The following GRIA3 variants were observed in gnomAD, a reference collection of about 807,000 sequenced individuals.
GRIA3 encodes glutamate ionotropic receptor AMPA type subunit 3.
Under a neutral mutation model 63.0 loss-of-function variants are expected in GRIA3, and 3 were observed. That is an observed-to-expected ratio of 0.05 (90% CI 0.02 to 0.12). The LOEUF (loss-of-function observed/expected upper bound fraction) is 0.12. Among genes scored for constraint, GRIA3 ranks in the 10% least tolerant of loss-of-function variants. The pLI is 1.00. For synonymous variants in GRIA3, 274 were observed against 257.9 expected (o/e 1.06, Z -0.60); for missense variants, 347 against 700.9 (o/e 0.50, Z 5.70).
At chrX:123,392,270 C>T (rs1324900964) in intron 5 of GRIA3, among the ~76,000 whole-genome samples, 1 of 111,685 alleles carries the variant, frequency 9.0e-6, no homozygotes, top group African/African-American at 3.3e-5. Context: ...GCCAATGACT[C>T]GTGTTTCGCC....
At chrX:123,371,848 T>C (rs1285491987) in intron 5 of GRIA3, among the ~76,000 whole-genome samples, 1 of 111,683 alleles carries the variant, frequency 9.0e-6, no homozygotes, top group Non-Finnish European at 1.9e-5. Flanking sequence ...TTGTTGGTTG[T>C]TTCCTTTGCT....
intron 12 of GRIA3, among the ~76,000 whole-genome samples, chrX:123,453,152 C>A (rs1452403918): frequency 8.9e-6 from 1 of 111,778 alleles, no homozygotes; most frequent in Non-Finnish European, 1.9e-5. Context: ...AAATGTCCAT[C>A]AATGATAGAC....
intron 11 of GRIA3, among the ~76,000 whole-genome samples, chrX:123,420,837 T>C (rs1026561489): frequency 1.8e-5 from 2 of 111,574 alleles, no homozygotes; most frequent in Non-Finnish European, 3.8e-5. Flanking sequence ...GGCACTGAGA[T>C]ATATCAAATG....
At chrX:123,339,974 A>G (rs1288789206) in intron 4 of GRIA3, among the ~76,000 whole-genome samples, 1 of 112,352 alleles carries the variant, frequency 8.9e-6, no homozygotes, top group African/African-American at 3.2e-5. Flanking sequence ...TTCATTTTAC[A>G]GTGAAGAAAC....
intron 4 of GRIA3, among the ~76,000 whole-genome samples, chrX:123,338,857 A>G (rs970249709): frequency 4.4e-5 from 5 of 112,443 alleles, no homozygotes; most frequent in African/African-American, 1.6e-4. Context: ...GCCCCATCAA[A>G]CTATATTTTT....
chrX:123,366,102 G>A (rs2045208507), intron 5 of GRIA3, among the ~76,000 whole-genome samples: 1 of 111,363 alleles, frequency 9.0e-6, no homozygotes, highest in South Asian at 3.8e-4. Context: ...ACAACCAGAG[G>A]TCGCTCTCAT....
At chrX:123,238,860 G>A (rs2044315297) in intron 2 of GRIA3, among the ~76,000 whole-genome samples, 1 of 110,298 alleles carries the variant, frequency 9.1e-6, no homozygotes, top group African/African-American at 3.3e-5. Context: ...CATTCAGGGA[G>A]AAAAGATAAA....
intron 5 of GRIA3, among the ~76,000 whole-genome samples, chrX:123,382,151 C>A (rs752370446): frequency 8.9e-6 from 1 of 112,159 alleles, no homozygotes; most frequent in Admixed American, 9.4e-5. Flanking sequence ...GTAACAAGAT[C>A]TTTCCTTTCA....
intron 2 of GRIA3, among the ~76,000 whole-genome samples, chrX:123,198,602 A>G (rs990654723): frequency 2.7e-5 from 3 of 111,391 alleles, no homozygotes; most frequent in Non-Finnish European, 5.7e-5. Context: ...AATACCCACA[A>G]TGCTGCCTTG....
At chrX:123,333,512 C>A (rs1171457239) in intron 4 of GRIA3, among the ~76,000 whole-genome samples, 1 of 111,213 alleles carries the variant, frequency 9.0e-6, no homozygotes, top group East Asian at 2.8e-4. Context: ...TTTGTAATAG[C>A]CCTTAGCAAT....
intron 2 of GRIA3, chrX:123,204,270 C>T (rs1172387210): frequency 4.0e-5 from 22 of 546,180 alleles, no homozygotes; most frequent in Non-Finnish European, 6.4e-5. Context: ...CTTTGACCAC[C>T]TCATGGAACC....
chrX:123,260,043 T>C (rs991870171), intron 3 of GRIA3, among the ~76,000 whole-genome samples: 1 of 109,615 alleles, frequency 9.1e-6, no homozygotes, highest in Non-Finnish European at 1.9e-5. Flanking sequence ...AGGCAAGAGG[T>C]CAAAAATCCA....
At chrX:123,331,582 T>C (rs1448361321) in intron 4 of GRIA3, among the ~76,000 whole-genome samples, 1 of 111,631 alleles carries the variant, frequency 9.0e-6, no homozygotes, top group Non-Finnish European at 1.9e-5. Context: ...CAGCAGATAG[T>C]GGTACTGCCC....
At chrX:123,333,025 T>C (rs1478192690) in intron 4 of GRIA3, among the ~76,000 whole-genome samples, 1 of 111,273 alleles carries the variant, frequency 9.0e-6, no homozygotes, top group African/African-American at 3.3e-5. Flanking sequence ...TATGGTGGGT[T>C]GGGTACTAGA....
At chrX:123,385,706 T>A (rs138847309) in intron 5 of GRIA3, among the ~76,000 whole-genome samples, 10 of 112,062 alleles carry the variant, frequency 8.9e-5, no homozygotes, top group Non-Finnish European at 1.5e-4. Flanking sequence ...ATCTTTCACC[T>A]TCCTGGTTGG....
intron 10 of GRIA3, among the ~76,000 whole-genome samples, chrX:123,412,740 T>C (rs2045513944): frequency 8.9e-6 from 1 of 111,805 alleles, no homozygotes. Context: ...CCCTTGCCTT[T>C]TTCCATCTGT....
intron 2 of GRIA3, among the ~76,000 whole-genome samples, chrX:123,230,704 T>C (rs2044271586): frequency 8.9e-6 from 1 of 111,889 alleles, no homozygotes; most frequent in Non-Finnish European, 1.9e-5. Context: ...TGTAGATATT[T>C]TGAACACCTA....
At chrX:123,337,622 T>C (rs972484782) in intron 4 of GRIA3, among the ~76,000 whole-genome samples, 6 of 111,244 alleles carry the variant, frequency 5.4e-5, no homozygotes, top group Non-Finnish European at 9.4e-5. Flanking sequence ...CAAAATAGAG[T>C]GTGACCTCAG....
chrX:123,466,785 T>C (rs1270205168), intron 13 of GRIA3, among the ~76,000 whole-genome samples: 1 of 112,411 alleles, frequency 8.9e-6, no homozygotes, highest in African/African-American at 3.2e-5. Context: ...ATGGGCATCT[T>C]AAGGTGAAGA....
Sources: gnomAD v4.1 joint callset for allele counts (sites outside exome capture counted in the v4.1 genomes callset) on GRCh38, gnomAD v4.1.1 for gene constraint, MANE v1.5 for transcripts, NCBI Gene and HGNC (gene_info 2026-07-23, HGNC 2026-07-21) for gene names.